Variants in DEUP1 observed in about 807,000 individuals in gnomAD.
DEUP1 encodes the protein deuterosome assembly protein 1.
In DEUP1, 82 loss-of-function variants were observed where a neutral mutation model predicts 87.4. That is an observed-to-expected ratio of 0.94 (90% CI 0.78 to 1.13). The LOEUF is 1.13. Ranked by LOEUF, DEUP1 falls within the 50% of genes most tolerant of loss-of-function variation. DEUP1 has a pLI of 0.00. For missense variants in DEUP1, 663 were observed against 681.5 expected (o/e 0.97, Z 0.30); for synonymous variants, 214 against 222.7 (o/e 0.96, Z 0.35).
Position 93,364,144 on chromosome 11 carries a change from T to A in DEUP1, c.298-16T>A. 1 of 1,527,884 alleles carries A rather than the reference T, an allele frequency of 6.5e-7. No individual in the cohort carries two copies. The highest frequency in any genetic ancestry group is 1.2e-5 in the South Asian group (1 of 86,418). 94.6% of individuals were successfully genotyped at this position (1,527,884 alleles called of 1,614,324 possible). A position where few individuals can be genotyped will look rare whatever the true frequency, so the allele number is the denominator to read the frequency against. ...ATTGGTAATAGTAAAATGTTAACAT[T>A]TTCTGTGATTTACAGTTTTCCAAAC... On this transcript the variant is annotated splice_polypyrimidine_tract_variant and intron_variant, in intron 4 of 13. Transcript: ENST00000298050.
intron 7 of DEUP1, among the ~76,000 whole-genome samples, chr11:93,374,775 C>T (rs2134282946): frequency 6.6e-6 from 1 of 152,012 alleles, no homozygotes; most frequent in African/African-American, 2.4e-5. Flanking sequence ...TTTTTTGGTT[C>T]CATATGAATT....
intron 7 of DEUP1, among the ~76,000 whole-genome samples, chr11:93,384,731 A>G (rs924804557): frequency 6.6e-6 from 1 of 152,198 alleles, no homozygotes; most frequent in African/African-American, 2.4e-5. Flanking sequence ...AAGTATTTGT[A>G]TTAATTAAAA....
At chr11:93,429,307 C>T (rs1160954854) in intron 13 of DEUP1, among the ~76,000 whole-genome samples, 3 of 152,134 alleles carry the variant, frequency 2.0e-5, no homozygotes, top group Non-Finnish European at 4.4e-5. Flanking sequence ...GACTAAAATA[C>T]ATACCAATAA....
intron 4 of DEUP1, among the ~76,000 whole-genome samples, chr11:93,359,349 TTA>T (rs969075776): frequency 2.8e-4 from 42 of 151,808 alleles, no homozygotes; most frequent in African/African-American, 1.0e-3. Flanking sequence ...TAAAAAGGAG[TTA>T]TTTTTTTTCC....
Position 93,389,039 on chromosome 11 carries a change from C to T in DEUP1, c.955C>T (p.Pro319Ser). ...NKTRLESSYL[P>S]SIKEPERKIK... ...TTGTAGACTTGAATCATCTTATTTG[C>T]CTTCTATTAAAGAACCAGAAAGGAA... The change falls in exon 9 of 14, where the codon CCT becomes TCT. Residue 319 changes from proline to serine, a missense_variant. By Grantham distance (74) the Pro-to-Ser change is moderately conservative (BLOSUM62 -1). Coordinates refer to ENST00000298050, the MANE Select transcript of DEUP1 (RefSeq NM_181645.4). 1.9e-6 allele frequency: 3 copies of T among 1,568,050 alleles called. No homozygotes were observed. In the South Asian group the frequency reaches 3.5e-5, roughly 18 times the overall value.
Position 93,394,570 on chromosome 11 carries a change from G to A in DEUP1, c.1153G>A (p.Ala385Thr). The A allele has an allele frequency of 6.2e-7, 1 of 1,613,162 alleles. No homozygotes were observed. Among genetic ancestry groups the A allele is most frequent in the Non-Finnish European group, 8.5e-7 (1 of 1,179,570 alleles). ...GCTTCATCAGAAGGAGATCACTATAGCAACTGTCACAAAGAAAGCTGCCCT... is the reference window on the plus strand; with the variant it reads ...GCTTCATCAGAAGGAGATCACTATAACAACTGTCACAAAGAAAGCTGCCCT... ...EELHQKEITI[A>T]TVTKKAALLE... is the part of the protein sequence containing the mutation. The change falls in exon 10 of 14, where the codon GCA (alanine) becomes ACA (threonine). Residue 385 changes from alanine to threonine, a missense_variant. By Grantham distance (58) the Ala-to-Thr change is moderately conservative (BLOSUM62 0). Transcript: ENST00000298050.
chr11:93,432,142 A>G (rs989876308), intron 13 of DEUP1, among the ~76,000 whole-genome samples: 5 of 152,236 alleles, frequency 3.3e-5, no homozygotes, highest in African/African-American at 9.6e-5. Context: ...GCCTTGGGTC[A>G]TAATATTGAG....
intron 13 of DEUP1, among the ~76,000 whole-genome samples, chr11:93,436,127 C>G (rs1356113459): frequency 6.6e-6 from 1 of 152,210 alleles, no homozygotes; most frequent in Non-Finnish European, 1.5e-5. Flanking sequence ...TGACATGCCA[C>G]ATAGCAGTAG....
chr11:93,429,038 G>A (rs1171532087), intron 13 of DEUP1, among the ~76,000 whole-genome samples: 2 of 152,002 alleles, frequency 1.3e-5, no homozygotes, highest in African/African-American at 4.8e-5. Context: ...TAAAATATCC[G>A]TTCAATTTCC....
intron 9 of DEUP1, among the ~76,000 whole-genome samples, chr11:93,391,707 CAA>C (rs57417014): frequency 0.1 from 7,769 of 78,028 alleles, 614 homozygotes; most frequent in African/African-American, 0.3. Flanking sequence ...GACTCCATCT[CAA>C]AAAAAAAAAA....
intron 7 of DEUP1, among the ~76,000 whole-genome samples, chr11:93,383,291 G>T (rs967311663): frequency 6.6e-6 from 1 of 152,110 alleles, no homozygotes; most frequent in Non-Finnish European, 1.5e-5. Context: ...CCATAAACAG[G>T]AATCAACCAC....
chr11:93,437,550 C>G lies in DEUP1; in HGVS notation c.1646C>G (p.Pro549Arg). The G allele has an allele frequency of 1.2e-6, 2 of 1,610,220 alleles. No individual in the cohort carries two copies. Reference protein sequence around the residue: ...SDDDVFPLSPPDMSFPASLAA... With the variant: ...SDDDVFPLSPRDMSFPASLAA... ...CTTTCTTTCTCTCTTTAGTCTCCCC[C>G]AGATATGTCCTTCCCAGCATCTTTG... The change falls in exon 14 of 14, where the codon CCA becomes CGA. Residue 549 changes from proline (P) to arginine (R), a missense_variant. Coordinates refer to ENST00000298050, the MANE Select transcript of DEUP1 (RefSeq NM_181645.4).
intron 8 of DEUP1, among the ~76,000 whole-genome samples, chr11:93,385,881 T>C (rs1946521179): frequency 6.6e-6 from 1 of 151,894 alleles, no homozygotes; most frequent in Non-Finnish European, 1.5e-5. Context: ...AGTGAGACCC[T>C]GACTCTTCAA....
intron 13 of DEUP1, among the ~76,000 whole-genome samples, chr11:93,416,194 A>C (rs1947619364): frequency 6.6e-6 from 1 of 152,208 alleles, no homozygotes; most frequent in Non-Finnish European, 1.5e-5. Flanking sequence ...AGCAGAACTG[A>C]AGGAAATAGA....
At chr11:93,416,995 A>C (rs921711357) in intron 13 of DEUP1, among the ~76,000 whole-genome samples, 3 of 151,990 alleles carry the variant, frequency 2.0e-5, no homozygotes, top group Non-Finnish European at 2.9e-5. Flanking sequence ...CATGCTAAAA[A>C]CTCTCAATAA....
intron 2 of DEUP1, among the ~76,000 whole-genome samples, chr11:93,336,341 G>T (rs181232050): frequency 3.6e-4 from 55 of 152,106 alleles, no homozygotes; most frequent in Admixed American, 9.2e-4. Flanking sequence ...CTCTCACCAG[G>T]CCCCTCCTCC....
chr11:93,387,724 T>C (rs1028688608), intron 8 of DEUP1, among the ~76,000 whole-genome samples: 1 of 152,072 alleles, frequency 6.6e-6, no homozygotes, highest in African/African-American at 2.4e-5. Context: ...TTAAAAAATA[T>C]GGAAATTTTT....
At chr11:93,347,690 G>A (rs1205146451) in intron 2 of DEUP1, among the ~76,000 whole-genome samples, 2 of 152,032 alleles carry the variant, frequency 1.3e-5, no homozygotes, top group South Asian at 2.1e-4. Context: ...CAATTTCAGA[G>A]CCCATTGTTG....
intron 13 of DEUP1, among the ~76,000 whole-genome samples, chr11:93,420,500 C>T (rs1947841897): frequency 6.7e-6 from 1 of 149,676 alleles, no homozygotes; most frequent in Non-Finnish European, 1.5e-5. Flanking sequence ...TGAAAACTGG[C>T]ACAAGACAGG....
Sources: allele counts gnomAD v4.1 joint callset (sites outside exome capture counted in the v4.1 genomes callset), GRCh38; gene constraint gnomAD v4.1.1; transcripts MANE v1.5; gene names NCBI Gene and HGNC (gene_info 2026-07-23, HGNC 2026-07-21).